The following TNPO3 variants were observed in gnomAD, a reference collection of about 807,000 sequenced individuals.
TNPO3 encodes the protein transportin 3, also known as transportin-3.
In TNPO3, 65 loss-of-function variants were observed where a neutral mutation model predicts 122.8. The ratio of observed to expected loss-of-function variants is 0.53; its 90% confidence interval spans 0.43 to 0.65. The LOEUF (loss-of-function observed/expected upper bound fraction) is 0.65, where lower values mean the gene tolerates loss of function less well. Among genes scored for constraint, TNPO3 ranks in the 30% least tolerant of loss-of-function variants. TNPO3 has a pLI of 0.00. For synonymous variants in TNPO3, 372 were observed against 411.2 expected (o/e 0.90, Z 1.15); for missense variants, 850 against 1,136.7 (o/e 0.75, Z 3.63).
chr7:128,979,902 G>T, intron 15 of TNPO3, 69 bp downstream of exon 15: 2 of 1,387,408 alleles, frequency 1.4e-6, no homozygotes, highest in South Asian at 2.3e-5. Flanking sequence ...CTTCTCAGGT[G>T]AGTTACCCAA....
intron 4 of TNPO3, among the ~76,000 whole-genome samples, chr7:129,008,114 A>G (rs1193854256): frequency 6.6e-6 from 1 of 151,106 alleles, no homozygotes; most frequent in Non-Finnish European, 1.5e-5. Context: ...GCGCCATGGT[A>G]CTCCAGCCTG....
At position 129,055,093 on chromosome 7, in the gene TNPO3, G is replaced by C; in HGVS notation, c.-323C>G. On this transcript the variant is annotated 5_prime_UTR_variant, in exon 1 of 23. Coordinates refer to ENST00000265388, the MANE Select transcript of TNPO3 (RefSeq NM_012470.4). ...GCCTATCTTGGGAGGCCACACACCA[G>C]TGTACCTAAGGTTCGTTTACCCGGA... 3.1e-6 allele frequency: 1 copy of C among 324,068 alleles called. No homozygotes were observed. Among genetic ancestry groups the C allele is most frequent in the Non-Finnish European group, 6.0e-6 (1 of 166,106 alleles). The allele number at this position is 324,068 out of a possible 1,614,324, so 20.1% of individuals were successfully genotyped here. A position where few individuals can be genotyped will look rare whatever the true frequency, so the allele number is the denominator to read the frequency against.
At chr7:129,046,782 C>T (rs1030782925) in intron 1 of TNPO3, among the ~76,000 whole-genome samples, 9 of 152,160 alleles carry the variant, frequency 5.9e-5, no homozygotes, top group Non-Finnish European at 8.8e-5. Flanking sequence ...AGCAAAGCGA[C>T]GTCTTACATG....
intron 1 of TNPO3, among the ~76,000 whole-genome samples, chr7:129,051,387 T>C (rs981844557): frequency 7.2e-5 from 11 of 151,850 alleles, no homozygotes; most frequent in Admixed American, 7.2e-4. Context: ...AATCTTGCTG[T>C]TTCCCAGGCT....
Position 128,969,962 on chromosome 7 carries a change from G to A in TNPO3, c.2598+186C>T, listed in dbSNP as rs1325869382. Among the ~76,000 whole-genome samples the A allele has an allele frequency of 2.0e-5, 3 of 152,118 alleles. No individual in the cohort carries two copies. In the East Asian group the frequency reaches 5.8e-4, roughly 29 times the overall value. On this transcript the variant is annotated intron_variant, in intron 20 of 22. Transcript: ENST00000265388. ...CAGTGACATAGAAACATGCTTTAAA[G>A]AACTCAATAATAAATTACTGATCTT...
At chr7:129,004,965 T>C (rs763583383) in intron 5 of TNPO3, 51 bp downstream of exon 5, 2 of 1,571,796 alleles carry the variant, frequency 1.3e-6, no homozygotes, top group Non-Finnish European at 1.7e-6. Flanking sequence ...AGCAGGTTAG[T>C]TACGAAAAGT....
chr7:128,975,007 G>T, intron 17 of TNPO3, 45 bp from the exon 18 acceptor site: 2 of 1,497,446 alleles, frequency 1.3e-6, no homozygotes, highest in African/African-American at 1.4e-5. Flanking sequence ...TTTCAGAAAT[G>T]CCACAGCATT....
intron 4 of TNPO3, among the ~76,000 whole-genome samples, chr7:129,014,099 A>C (rs537455134): frequency 1.2e-4 from 19 of 152,360 alleles, no homozygotes; most frequent in African/African-American, 3.8e-4. Context: ...TGAGTACTTC[A>C]AAATAGCTGA....
intron 21 of TNPO3, among the ~76,000 whole-genome samples, chr7:128,963,118 G>C (rs1366463067): frequency 6.6e-6 from 1 of 152,162 alleles, no homozygotes; most frequent in Non-Finnish European, 1.5e-5. Flanking sequence ...AACATTCACT[G>C]ATCACATACT....
At chr7:128,979,754 TCTGGTCTTTCAAGGCATTCC>T (rs1484223478) in intron 15 of TNPO3, among the ~76,000 whole-genome samples, 197 bp downstream of exon 15, 7 of 152,218 alleles carry the variant, frequency 4.6e-5, no homozygotes, top group Non-Finnish European at 1.5e-5. Context: ...CTACCACTTC[TCTGGTCTTTCAAGGCATTCC>T]CTTGCAGCCT....
chr7:128,982,216 C>A, intron 14 of TNPO3, 32 bp downstream of exon 14: 1 of 1,585,436 alleles, frequency 6.3e-7, no homozygotes, highest in Non-Finnish European at 8.6e-7. Context: ...AGCCTTTAAC[C>A]CAAGTAAGGC....
rs749189508 is a variant in TNPO3 at position 129,054,817 on chromosome 7, A to G, written c.-47T>C. ...AGCGACGGCTCTGATTCTTCTCCGGAGGATTCCTCGGTTGCTCCGCCTTCG... is the reference window on the plus strand; with the variant it reads ...AGCGACGGCTCTGATTCTTCTCCGGGGGATTCCTCGGTTGCTCCGCCTTCG... On this transcript the variant is annotated 5_prime_UTR_variant, in exon 1 of 23. Coordinates refer to ENST00000265388, the MANE Select transcript of TNPO3 (RefSeq NM_012470.4). The G allele has an allele frequency of 1.9e-6, 3 of 1,612,272 alleles. No individual in the cohort carries two copies. Among genetic ancestry groups the G allele is most frequent in the South Asian group, 2.2e-5 (2 of 91,024 alleles).
intron 8 of TNPO3, among the ~76,000 whole-genome samples, chr7:128,995,582 G>A (rs557708490): frequency 1.3e-5 from 2 of 152,346 alleles, no homozygotes; most frequent in South Asian, 4.1e-4. Flanking sequence ...AAGGGAAATG[G>A]TGCCACAGAA....
intron 1 of TNPO3, among the ~76,000 whole-genome samples, chr7:129,022,464 T>TAAA (rs962182640): frequency 7.1e-6 from 1 of 140,906 alleles, no homozygotes; most frequent in African/African-American, 2.6e-5. Flanking sequence ...CCCCGTTTCT[T>TAAA]AAAAAAAAAA....
chr7:129,055,840 A>T (rs1050759017), upstream of TNPO3: 8 of 565,016 alleles, frequency 1.4e-5, no homozygotes, highest in Non-Finnish European at 2.5e-5. Context: ...CAGTATATTG[A>T]TATTAACATT....
chr7:128,973,004 A>T (rs1452819368), intron 18 of TNPO3, among the ~76,000 whole-genome samples: 1 of 151,162 alleles, frequency 6.6e-6, no homozygotes, highest in Non-Finnish European at 1.5e-5. Flanking sequence ...GTTGCTCTTT[A>T]AAAAAAAAGG....
At chr7:129,055,879 C>G (rs1038341235), upstream of TNPO3, 2 of 599,964 alleles carry the variant, frequency 3.3e-6, no homozygotes, top group African/African-American at 3.7e-5. Context: ...TAGTAAATAA[C>G]TGCTATTTGA....
chr7:129,009,778 A>G (rs1452600131), intron 4 of TNPO3, among the ~76,000 whole-genome samples: 3 of 152,240 alleles, frequency 2.0e-5, no homozygotes, highest in Non-Finnish European at 4.4e-5. Context: ...CGCCCAGTCT[A>G]AAAGCAGCTC....
chr7:128,995,991 G>A (rs979743577), intron 8 of TNPO3, among the ~76,000 whole-genome samples: 1 of 152,152 alleles, frequency 6.6e-6, no homozygotes, highest in Non-Finnish European at 1.5e-5. Context: ...GAGCCACCAC[G>A]CCCAGTTGGA....
Sources: gnomAD v4.1 joint callset for allele counts (sites outside exome capture counted in the v4.1 genomes callset) on GRCh38, gnomAD v4.1.1 for gene constraint, MANE v1.5 for transcripts, NCBI Gene and HGNC (gene_info 2026-07-23, HGNC 2026-07-21) for gene names.